The following MEGF8 variants were observed in gnomAD, a reference collection of about 807,000 sequenced individuals.
MEGF8 encodes the protein multiple EGF like domains 8.
Under a neutral mutation model 302.9 loss-of-function variants are expected in MEGF8, and 156 were observed. The ratio of observed to expected loss-of-function variants is 0.52; its 90% CI spans 0.45 to 0.59. MEGF8 has a LOEUF of 0.59. Among genes scored for constraint, MEGF8 ranks in the 20% least tolerant of loss-of-function variants. MEGF8 has a pLI of 0.00. For missense variants in MEGF8, 3,345 were observed against 3,964.5 expected (o/e 0.84, Z 4.20); for synonymous variants, 1,621 against 1,660.5 (o/e 0.98, Z 0.58).
chr19:42,358,427 T>A lies in MEGF8; in HGVS notation c.5175+120T>A. On this transcript the variant is annotated intron_variant, in intron 29 of 41. Coordinates refer to ENST00000251268, the MANE Select transcript of MEGF8 (RefSeq NM_001271938.2). This position sits in a 1 kb window ranked among gnomAD's most constrained non-coding sequence, Gnocchi z 4.4. ...TGCTTCCCCTCCTTTCTATGTTCCC[T>A]AACTAAGCGACACCCCCACATCTCC... The A allele has an allele frequency of 1.7e-5, 21 of 1,268,436 alleles. No homozygotes were observed. Among genetic ancestry groups the A allele is most frequent in the Non-Finnish European group, 2.2e-5 (21 of 940,998 alleles). 78.6% of individuals were successfully genotyped at this position (1,268,436 alleles called of 1,614,324 possible).
In MEGF8 at chr19:42,344,930, C is replaced by T; in HGVS notation, c.2097+97C>T. 1 of 1,264,666 alleles carries T rather than the reference C, an allele frequency of 7.9e-7. No individual in the cohort carries two copies. Among genetic ancestry groups the T allele is most frequent in the Non-Finnish European group, 1.1e-6 (1 of 949,076 alleles). The allele number at this position is 1,264,666 out of a possible 1,614,324, so 78.3% of individuals were successfully genotyped here. A position where few individuals can be genotyped will look rare whatever the true frequency, so the allele number is the denominator to read the frequency against. On this transcript the variant is annotated intron_variant, in intron 12 of 41. Transcript: ENST00000251268. The surrounding 1 kb of genome is among the most constrained non-coding windows in gnomAD (Gnocchi z 4.5). ...ATCTTTATCACTCTTATGTTTACTC[C>T]AAAACTCTTTACATTCAAGGGTCTT...
At chr19:42,338,225 C>A (rs1468241306) in intron 8 of MEGF8, among the ~76,000 whole-genome samples, 1 of 151,780 alleles carries the variant, frequency 6.6e-6, no homozygotes, top group African/African-American at 2.4e-5. Context: ...GCCTAGTACC[C>A]AACAGGTAGG....
chr19:42,344,981 A>AT lies in MEGF8; in HGVS notation c.2097+156dup, dbSNP rs1445410744. 2.0e-4 allele frequency: 182 copies of AT among 921,086 alleles called. 2 individuals carry two copies. The East Asian group carries it at 4.5e-3, about 23-fold the overall frequency. The allele number at this position is 921,086 out of a possible 1,614,324, so 57.1% of individuals were successfully genotyped here. ...ATTTTCCTTATGGACTTTATTTTTTATTTTTTTTGAGAGGGAGTCTTGCTC... is the reference window on the plus strand; with the variant it reads ...ATTTTCCTTATGGACTTTATTTTTTATTTTTTTTTGAGAGGGAGTCTTGCTC... On this transcript the variant is annotated intron_variant, in intron 12 of 41. Coordinates refer to ENST00000251268, the MANE Select transcript of MEGF8 (RefSeq NM_001271938.2). The surrounding 1 kb of genome is among the most constrained non-coding windows in gnomAD (Gnocchi z 4.5).
intron 13 of MEGF8, among the ~76,000 whole-genome samples, chr19:42,349,050 AG>A (rs2039330639): frequency 6.6e-6 from 1 of 152,182 alleles, no homozygotes; most frequent in African/African-American, 2.4e-5. Flanking sequence ...CTGTAATCCC[AG>A]CCCTTTGGGA....
Position 42,357,481 on chromosome 19 carries a change from G to C in MEGF8, c.4908G>C (p.Val1636=). ...TARRGLSLLL[V]GGYSPENGFN... ...GCCGAGGCCTGTCTCTGCTCCTGGTGGGCGGTTACTCCCCGGAAAATGGCT... is the reference window on the plus strand; with the variant it reads ...GCCGAGGCCTGTCTCTGCTCCTGGTCGGCGGTTACTCCCCGGAAAATGGCT... The change falls in exon 28 of 42, where the codon GTG becomes GTC. Residue 1636 remains valine (V), a synonymous_variant. Transcript: ENST00000251268. This position sits in a 1 kb window ranked among gnomAD's most constrained non-coding sequence, Gnocchi z 5.2. 2 of 1,613,830 alleles carry C rather than the reference G, an allele frequency of 1.2e-6. No individual in the cohort carries two copies. The highest frequency in any genetic ancestry group is 1.7e-6 in the Non-Finnish European group (2 of 1,179,814).
Position 42,352,793 on chromosome 19 carries a change from A to G in MEGF8, c.3351-135A>G, listed in dbSNP as rs2039395714. On this transcript the variant is annotated intron_variant, in intron 19 of 41. Coordinates refer to ENST00000251268, the MANE Select transcript of MEGF8 (RefSeq NM_001271938.2). This position sits in a 1 kb window ranked among gnomAD's most constrained non-coding sequence, Gnocchi z 4.4. Reference sequence around the variant, plus strand: ...TGATGCATGGAGTTACCTTGGAGACAGGGTCACCCACATAGCCCAAAACCA... The same window carrying G: ...TGATGCATGGAGTTACCTTGGAGACGGGGTCACCCACATAGCCCAAAACCA... 11 of 695,318 alleles carry G rather than the reference A, an allele frequency of 1.6e-5. No homozygotes were observed. The allele number at this position is 695,318 out of a possible 1,614,324, so 43.1% of individuals were successfully genotyped here.
intron 14 of MEGF8, 40 bp downstream of exon 14, chr19:42,349,739 C>A (rs764940315): frequency 6.3e-7 from 1 of 1,589,434 alleles, no homozygotes; most frequent in East Asian, 2.2e-5. Flanking sequence ...AGCCGCAGGC[C>A]CCAGCCTCAG....
At chr19:42,355,358 T>G (rs2039435738) in intron 23 of MEGF8, among the ~76,000 whole-genome samples, 1 of 152,122 alleles carries the variant, frequency 6.6e-6, no homozygotes, top group Non-Finnish European at 1.5e-5. Flanking sequence ...TCTAAAGAGA[T>G]CCAGTCTCAT....
Position 42,350,378 on chromosome 19 carries a change from C to T in MEGF8, c.2730C>T (p.Cys910=), listed in dbSNP as rs764102952. The T allele has an allele frequency of 2.6e-6, 4 of 1,539,124 alleles. No individual in the cohort carries two copies. Among genetic ancestry groups the T allele is most frequent in the African/African-American group, 1.4e-5 (1 of 73,444 alleles). ...AGGAGCATCGGGACTGCCACGCCTG[C>T]ACCCAGGTGCCTGTGGGGCCACCAG... ...LCEEHRDCHA[C]TQDPFCEWHQ... The change falls in exon 15 of 42, where the codon TGC becomes TGT. Residue 910 remains cysteine, a synonymous_variant. Coordinates refer to ENST00000251268, the MANE Select transcript of MEGF8 (RefSeq NM_001271938.2).
Position 42,353,248 on chromosome 19 carries a change from C to T in MEGF8, c.3550+121C>T. ...CTCTCATGCAGCTCTAGGTCCCCTG[C>T]CCCATTCCTGTTCCTGACTCAAACA... On this transcript the variant is annotated intron_variant, in intron 20 of 41. Transcript: ENST00000251268. This position sits in a 1 kb window ranked among gnomAD's most constrained non-coding sequence, Gnocchi z 6.1. 1.9e-6 allele frequency: 2 copies of T among 1,068,796 alleles called. No individual in the cohort carries two copies. The highest frequency in any genetic ancestry group is 2.6e-6 in the Non-Finnish European group (2 of 756,514). The allele number at this position is 1,068,796 out of a possible 1,614,324, so 66.2% of individuals were successfully genotyped here. A position where few individuals can be genotyped will look rare whatever the true frequency, so the allele number is the denominator to read the frequency against.
In MEGF8 at chr19:42,351,135, G is replaced by A. The variant is rs1358325126; in HGVS notation, c.2737-81G>A. On this transcript the variant is annotated intron_variant, in intron 15 of 41. Coordinates refer to ENST00000251268, the MANE Select transcript of MEGF8 (RefSeq NM_001271938.2). The surrounding 1 kb of genome is among the most constrained non-coding windows in gnomAD (Gnocchi z 5.6). ...CTTACAGGGACAGTCTGCAGGGTGG[G>A]GCAGGGGGTGGGATGGGCACTGGGA... The A allele has an allele frequency of 8.1e-7, 1 of 1,235,318 alleles. No homozygotes were observed. The allele number at this position is 1,235,318 out of a possible 1,614,324, so 76.5% of individuals were successfully genotyped here.
intron 35 of MEGF8, among the ~76,000 whole-genome samples, chr19:42,364,645 A>G (rs1273371504): frequency 6.6e-6 from 1 of 152,192 alleles, no homozygotes; most frequent in Non-Finnish European, 1.5e-5. Context: ...TGGGAGTGGT[A>G]CATTAGCTCT....
intron 41 of MEGF8, among the ~76,000 whole-genome samples, chr19:42,374,274 C>G (rs1395291699): frequency 6.6e-6 from 1 of 151,996 alleles, no homozygotes; most frequent in Non-Finnish European, 1.5e-5. Flanking sequence ...AGTTCGAGAC[C>G]AGCCTGGCCA....
In MEGF8 at chr19:42,354,209, C is replaced by T. The variant is rs578146313; in HGVS notation, c.4011+185C>T. Among the ~76,000 whole-genome samples the T allele has an allele frequency of 6.6e-6, 1 of 152,112 alleles. No individual in the cohort carries two copies. The highest frequency in any genetic ancestry group is 2.4e-5 in the African/African-American group (1 of 41,462). On this transcript the variant is annotated intron_variant, in intron 22 of 41. Coordinates refer to ENST00000251268, the MANE Select transcript of MEGF8 (RefSeq NM_001271938.2). This position sits in a 1 kb window ranked among gnomAD's most constrained non-coding sequence, Gnocchi z 4.3. Reference sequence around the variant, plus strand: ...TTCCTAGGCCCACAGACAGACCCCCCCATTTCCCAGATAGCTTCCTATTTC... The same window carrying T: ...TTCCTAGGCCCACAGACAGACCCCCTCATTTCCCAGATAGCTTCCTATTTC...
rs1354194151 is a variant in MEGF8 at position 42,344,034 on chromosome 19, C to T, written c.1749C>T (p.Ala583=). ...CGGAATGCAGTTGGTGCCAAGGAGC[C>T]TGCCAAGCTGCACCCCCTCCTGGGA... ...RDPECSWCQG[A]CQAAPPPGTP... Residue 583 remains alanine, a synonymous_variant, in exon 10 of 42, where the codon GCC becomes GCT. Coordinates refer to ENST00000251268, the MANE Select transcript of MEGF8 (RefSeq NM_001271938.2). This position sits in a 1 kb window ranked among gnomAD's most constrained non-coding sequence, Gnocchi z 4.5. 3 of 1,613,768 alleles carry T rather than the reference C, an allele frequency of 1.9e-6. No homozygotes were observed. Among genetic ancestry groups the T allele is most frequent in the South Asian group, 2.2e-5 (2 of 91,086 alleles).
intron 30 of MEGF8, 72 bp downstream of exon 30, chr19:42,359,026 G>T: frequency 6.4e-7 from 1 of 1,554,590 alleles, no homozygotes. Context: ...AGGGGTGGCT[G>T]GAGGGCTAAG....
Position 42,353,473 on chromosome 19 carries a change from T to TG in MEGF8, c.3565dup (p.Glu1189GlyfsTer18). ...TGCTGGGGCCTCCACAGACTGGACA[T>TG]GGGGGGAGCACTGCGAACGATGCCG... On this transcript the variant is annotated frameshift_variant, in exon 21 of 42. Coordinates refer to ENST00000251268, the MANE Select transcript of MEGF8 (RefSeq NM_001271938.2). LOFTEE classifies it high-confidence loss of function. This position sits in a 1 kb window ranked among gnomAD's most constrained non-coding sequence, Gnocchi z 6.1. The TG allele has an allele frequency of 6.2e-7, 1 of 1,610,488 alleles. No individual in the cohort carries two copies. The highest frequency in any genetic ancestry group is 2.2e-5 in the East Asian group (1 of 44,830).
chr19:42,338,819 C>CTTTTTTTTTTTTTTTTTTT (rs2039170143), intron 8 of MEGF8, among the ~76,000 whole-genome samples: 2 of 86,726 alleles, frequency 2.3e-5, no homozygotes, highest in Non-Finnish European at 2.4e-5. Flanking sequence ...TTTTTTCTTT[C>CTTTTTTTTTTTTTTTTTTT]TATGTATTTT....
rs768617831 is a variant in MEGF8 at position 42,336,063 on chromosome 19, C to T, written c.961C>T (p.Leu321=). The T allele has an allele frequency of 6.3e-7, 1 of 1,590,702 alleles. No homozygotes were observed. The highest frequency in any genetic ancestry group is 1.1e-5 in the South Asian group (1 of 88,714). The change falls in exon 6 of 42, where the codon CTG becomes TTG. Residue 321 remains leucine, a synonymous_variant. Transcript: ENST00000251268. The surrounding 1 kb of genome is among the most constrained non-coding windows in gnomAD (Gnocchi z 4.8). ...ACTGGGCAGGGGCCACTGGGAGCTC[C>T]TGGCACCACCTGCCTCCAGCTCCTC... is the stretch of plus-strand genomic sequence containing the variant. The part of the protein sequence containing the change: ...SPLGRGHWEL[L]APPASSSSGP...
Sources: allele counts gnomAD v4.1 joint callset (sites outside exome capture counted in the v4.1 genomes callset), GRCh38; gene constraint gnomAD v4.1.1; non-coding constraint Gnocchi (gnomAD v3.1); transcripts MANE v1.5; gene names NCBI Gene and HGNC (gene_info 2026-07-23, HGNC 2026-07-21).